GPR107: variants seen among roughly 807,000 people sequenced by gnomAD.
The protein encoded by GPR107 is G protein-coupled receptor 107, also known as protein GPR107.
In GPR107, 31 loss-of-function variants were observed where a neutral mutation model predicts 75.5. The ratio of observed to expected loss-of-function variants is 0.41; its 90% CI spans 0.31 to 0.55. The LOEUF (loss-of-function observed/expected upper bound fraction) is 0.55. Ranked by LOEUF, GPR107 falls within the 20% of genes least tolerant of loss-of-function variation. The pLI is 0.26. For missense variants in GPR107, 572 were observed against 665.7 expected (o/e 0.86, Z 1.55); for synonymous variants, 267 against 251.3 (o/e 1.06, Z -0.59).
chr9:130,071,111 C>G (rs1244890271), intron 1 of GPR107, among the ~76,000 whole-genome samples: 1 of 149,418 alleles, frequency 6.7e-6, no homozygotes, highest in Non-Finnish European at 1.5e-5. Flanking sequence ...TCCCAGCCCA[C>G]TGCAGCCTCG....
intron 5 of GPR107, 45 bp from the exon 6 acceptor site, chr9:130,083,519 TA>T: frequency 7.9e-7 from 1 of 1,268,544 alleles, no homozygotes; most frequent in South Asian, 1.6e-5. Flanking sequence ...TATGTATCTG[TA>T]AGTTGAGTCA....
chr9:130,115,453 C>T (rs896481543), intron 14 of GPR107, among the ~76,000 whole-genome samples: 1 of 142,796 alleles, frequency 7.0e-6, no homozygotes, highest in Non-Finnish European at 1.6e-5. Flanking sequence ...CTGCTCTGGT[C>T]CTTTTTGTTT....
chr9:130,072,385 A>C (rs1299539767), intron 1 of GPR107, among the ~76,000 whole-genome samples: 2 of 151,772 alleles, frequency 1.3e-5, no homozygotes, highest in Non-Finnish European at 2.9e-5. Flanking sequence ...TCGCCCAGCT[A>C]ATTTTTTGTG....
At chr9:130,124,156 C>T (rs912191383) in intron 14 of GPR107, among the ~76,000 whole-genome samples, 1 of 152,242 alleles carries the variant, frequency 6.6e-6, no homozygotes, top group Admixed American at 6.5e-5. Flanking sequence ...TCACCACCCA[C>T]GGTCCCATTC....
At position 130,090,865 on chromosome 9, in the gene GPR107, T is replaced by G. The variant is rs376213354; in HGVS notation, c.622-11T>G. ...TTGGGTACCTTTAAATGTTTTCTTC[T>G]TCACTTTCAGTTTTTCTTTAACATC... On this transcript the variant is annotated splice_polypyrimidine_tract_variant and intron_variant, in intron 7 of 17. Coordinates refer to ENST00000347136, the MANE Select transcript of GPR107 (RefSeq NM_020960.5). 9.9e-7 allele frequency: 1 copy of G among 1,006,106 alleles called. No individual in the cohort carries two copies. The highest frequency in any genetic ancestry group is 2.4e-5 in the East Asian group (1 of 41,520). 62.3% of individuals were successfully genotyped at this position (1,006,106 alleles called of 1,614,324 possible). A position where few individuals can be genotyped will look rare whatever the true frequency, so the allele number is the denominator to read the frequency against.
intron 7 of GPR107, among the ~76,000 whole-genome samples, chr9:130,089,144 C>T (rs571757814): frequency 4.0e-5 from 6 of 151,784 alleles, no homozygotes; most frequent in Admixed American, 3.9e-4. Flanking sequence ...CACTCCAGCT[C>T]GGGCGACAGT....
intron 1 of GPR107, among the ~76,000 whole-genome samples, chr9:130,070,293 C>T (rs1218651083): frequency 2.0e-5 from 3 of 151,652 alleles, no homozygotes; most frequent in African/African-American, 7.3e-5. Context: ...CCTGCTATTA[C>T]TCCTGGCTAT....
chr9:130,130,879 A>G (rs1554898960), intron 17 of GPR107, among the ~76,000 whole-genome samples: 1 of 147,492 alleles, frequency 6.8e-6, no homozygotes, highest in African/African-American at 2.6e-5. Context: ...TCAAAAAAGA[A>G]AAAAAAAAAA....
chr9:130,111,267 A>G (rs1831294234), intron 14 of GPR107, among the ~76,000 whole-genome samples: 1 of 151,958 alleles, frequency 6.6e-6, no homozygotes, highest in East Asian at 2.0e-4. Flanking sequence ...GGAGTTTTAG[A>G]CCAGCCTGGG....
intron 14 of GPR107, among the ~76,000 whole-genome samples, chr9:130,117,410 G>C (rs1831452678): frequency 6.6e-6 from 1 of 152,158 alleles, no homozygotes; most frequent in Admixed American, 6.5e-5. Context: ...GGAGGCCAGA[G>C]GGCAGCTCGT....
At chr9:130,110,808 G>A (rs1831279378) in intron 14 of GPR107, among the ~76,000 whole-genome samples, 1 of 152,166 alleles carries the variant, frequency 6.6e-6, no homozygotes, top group Admixed American at 6.5e-5. Flanking sequence ...CTGGTGCTGG[G>A]ATCTGTGGCC....
chr9:130,053,965 C>T lies in GPR107; in HGVS notation c.33C>T (p.Ala11=). The T allele has an allele frequency of 6.4e-7, 1 of 1,555,154 alleles. No homozygotes were observed. Among genetic ancestry groups the T allele is most frequent in the Non-Finnish European group, 8.7e-7 (1 of 1,150,778 alleles). ...CTCTGGCGCCCGTCGGCTCCCCCGC[C>T]TCCCGCGGTCCTAGGCTGGCCGCGG... MAALAPVGSP[A]SRGPRLAAGL... is the part of the protein sequence containing the mutation. The change falls in exon 1 of 18, where the codon GCC becomes GCT. Residue 11 remains alanine (A), a synonymous_variant. Transcript: ENST00000347136.
intron 12 of GPR107, among the ~76,000 whole-genome samples, chr9:130,102,938 C>A (rs1831071459): frequency 7.3e-6 from 1 of 137,872 alleles, no homozygotes; most frequent in Non-Finnish European, 1.5e-5. Context: ...CGTACACCAT[C>A]ACACCTGACT....
intron 1 of GPR107, among the ~76,000 whole-genome samples, chr9:130,055,077 T>C (rs1298856467): frequency 6.6e-6 from 1 of 152,114 alleles, no homozygotes. Flanking sequence ...GCAAGACCCT[T>C]TCTCAAAACA....
chr9:130,127,382 T>A (rs1357916383), intron 15 of GPR107, 101 bp from the exon 16 acceptor site: 1 of 706,264 alleles, frequency 1.4e-6, no homozygotes, highest in Non-Finnish European at 2.6e-6. Flanking sequence ...TTTGAGTGAT[T>A]CTGTTTTCTG....
Position 130,092,849 on chromosome 9 carries a change from G to A in GPR107, c.863+468G>A, listed in dbSNP as rs192071498. 2.2e-4 allele frequency among the ~76,000 whole-genome samples: 33 copies of A among 152,232 alleles called. No individual in the cohort carries two copies. The East Asian group carries it at 5.0e-3, about 23-fold the overall frequency. On this transcript the variant is annotated intron_variant, in intron 9 of 17. Transcript: ENST00000347136. ...TTAGCCAGGATGGTCTTGATCTCCTGACCTCATGATCTGCCCACATGGGCC... is the reference window on the plus strand; with the variant it reads ...TTAGCCAGGATGGTCTTGATCTCCTAACCTCATGATCTGCCCACATGGGCC...
chr9:130,057,836 A>ATTT (rs71387306), intron 1 of GPR107, among the ~76,000 whole-genome samples: 5 of 146,404 alleles, frequency 3.4e-5, no homozygotes, highest in Non-Finnish European at 4.5e-5. Flanking sequence ...TATTATTATT[A>ATTT]TTTTTTTTTT....
At chr9:130,107,968 T>G (rs1269764054) in intron 14 of GPR107, among the ~76,000 whole-genome samples, 1 of 152,238 alleles carries the variant, frequency 6.6e-6, no homozygotes, top group African/African-American at 2.4e-5. Context: ...CAGTATTCAT[T>G]TAAAGCAAGA....
At chr9:130,126,342 CTT>C (rs1209736605) in intron 15 of GPR107, among the ~76,000 whole-genome samples, 11 of 121,824 alleles carry the variant, frequency 9.0e-5, no homozygotes, top group South Asian at 2.6e-4. Context: ...GTTTCCAAGT[CTT>C]TTTTTTTTTT....
Sources: allele counts gnomAD v4.1 joint callset (sites outside exome capture counted in the v4.1 genomes callset), GRCh38; gene constraint gnomAD v4.1.1; transcripts MANE v1.5; gene names NCBI Gene and HGNC (gene_info 2026-07-23, HGNC 2026-07-21).